DGKI: variants seen among roughly 807,000 people sequenced by gnomAD.
DGKI encodes DAG kinase iota.
Under a neutral mutation model 147.5 loss-of-function variants are expected in DGKI, and 55 were observed. The observed-to-expected ratio is 0.37, with a 90% CI of 0.30 to 0.47. The LOEUF (loss-of-function observed/expected upper bound fraction) is 0.47, where lower values mean the gene tolerates loss of function less well. Among genes scored for constraint, DGKI ranks in the 20% least tolerant of loss-of-function variants. The pLI, the probability that DGKI is intolerant of heterozygous loss-of-function variation, is 1.00. For synonymous variants in DGKI, 469 were observed against 477.1 expected (o/e 0.98, Z 0.22); for missense variants, 1,007 against 1,323.8 (o/e 0.76, Z 3.71).
intron 28 of DGKI, among the ~76,000 whole-genome samples, chr7:137,431,924 T>C (rs1433967989): frequency 2.0e-5 from 3 of 152,200 alleles, no homozygotes; most frequent in Non-Finnish European, 2.9e-5. Context: ...AATCTCATGT[T>C]GAATTGTAAT....
intron 1 of DGKI, among the ~76,000 whole-genome samples, chr7:137,805,239 T>C (rs906265177): frequency 2.0e-5 from 3 of 152,238 alleles, no homozygotes; most frequent in Non-Finnish European, 4.4e-5. Flanking sequence ...CTTCCAGCTG[T>C]GCTTGAGGGA....
intron 21 of DGKI, among the ~76,000 whole-genome samples, chr7:137,503,044 A>T (rs1816235316): frequency 6.6e-6 from 1 of 152,148 alleles, no homozygotes; most frequent in Non-Finnish European, 1.5e-5. Flanking sequence ...GAAGTCAGAC[A>T]CATTCTCGTG....
At chr7:137,403,311 A>G (rs796297317) in intron 30 of DGKI, among the ~76,000 whole-genome samples, 5 of 152,368 alleles carry the variant, frequency 3.3e-5, no homozygotes, top group African/African-American at 1.2e-4. Flanking sequence ...AAGGAAGAAG[A>G]TGCAAGCCGA....
At chr7:137,842,292 G>C (rs562571713) in intron 1 of DGKI, among the ~76,000 whole-genome samples, 10 of 152,272 alleles carry the variant, frequency 6.6e-5, no homozygotes, top group African/African-American at 2.4e-4. Flanking sequence ...TATCTTTCTT[G>C]TAATAACACA....
intron 12 of DGKI, among the ~76,000 whole-genome samples, chr7:137,597,582 A>C (rs1465186133): frequency 6.6e-6 from 1 of 152,224 alleles, no homozygotes; most frequent in East Asian, 1.9e-4. Context: ...TCTTCATTTT[A>C]AGGATTTGAC....
At chr7:137,738,282 T>C (rs544466338) in intron 1 of DGKI, among the ~76,000 whole-genome samples, 21 of 152,208 alleles carry the variant, frequency 1.4e-4, no homozygotes, top group African/African-American at 4.6e-4. Flanking sequence ...TTAGCTGCTG[T>C]GCTATACTGA....
At chr7:137,413,768 G>A (rs1014943310) in intron 28 of DGKI, among the ~76,000 whole-genome samples, 1 of 152,098 alleles carries the variant, frequency 6.6e-6, no homozygotes, top group Non-Finnish European at 1.5e-5. Context: ...GTTTTTGGTA[G>A]GATGATTACT....
At chr7:137,474,870 G>T (rs1488455191) in intron 23 of DGKI, among the ~76,000 whole-genome samples, 1 of 152,168 alleles carries the variant, frequency 6.6e-6, no homozygotes, top group East Asian at 1.9e-4. Flanking sequence ...GCTACTCGCT[G>T]TGAGAGTGTA....
At chr7:137,561,713 T>C (rs1818425248) in intron 19 of DGKI, among the ~76,000 whole-genome samples, 1 of 151,764 alleles carries the variant, frequency 6.6e-6, no homozygotes, top group Non-Finnish European at 1.5e-5. Context: ...ATTAAAATTT[T>C]GATTTTTAAA....
At chr7:137,720,357 A>T (rs1049874968) in intron 1 of DGKI, among the ~76,000 whole-genome samples, 1 of 142,676 alleles carries the variant, frequency 7.0e-6, no homozygotes, top group African/African-American at 2.6e-5. Flanking sequence ...TCCCGGGTTC[A>T]CACCATTCTC....
intron 27 of DGKI, among the ~76,000 whole-genome samples, chr7:137,449,468 A>C (rs1813864602): frequency 2.0e-5 from 3 of 152,244 alleles, no homozygotes; most frequent in African/African-American, 7.2e-5. Context: ...CTTACTGCAC[A>C]CCATGTGCAA....
chr7:137,663,344 G>A (rs1005653616), intron 3 of DGKI, among the ~76,000 whole-genome samples: 7 of 152,218 alleles, frequency 4.6e-5, no homozygotes, highest in African/African-American at 1.4e-4. Flanking sequence ...GTCACCTAGA[G>A]GAGGGCAAAA....
At chr7:137,667,045 A>G (rs1199890587) in intron 3 of DGKI, among the ~76,000 whole-genome samples, 1 of 152,134 alleles carries the variant, frequency 6.6e-6, no homozygotes, top group Non-Finnish European at 1.5e-5. Context: ...GTTTCAACTC[A>G]TCAGATGCAA....
At position 137,438,717 on chromosome 7, in the gene DGKI, T is replaced by C. The variant is rs183212167; in HGVS notation, c.2761+5360A>G. ...TTCATTAGCAGATTGGATATATAAA[T>C]TGGTATATACTCATACAATAGAGTA... On this transcript the variant is annotated intron_variant, in intron 28 of 32. Transcript: ENST00000614521. 2.4e-4 allele frequency among the ~76,000 whole-genome samples: 36 copies of C among 152,300 alleles called. No homozygotes were observed. The East Asian group carries it at 6.2e-3, about 26-fold the overall frequency.
chr7:137,543,586 A>G (rs531830261), intron 20 of DGKI, among the ~76,000 whole-genome samples: 1 of 152,190 alleles, frequency 6.6e-6, no homozygotes, highest in African/African-American at 2.4e-5. Context: ...GGAAGCAACA[A>G]TTGCTTCAAG....
chr7:137,539,700 A>G (rs1817626410), intron 20 of DGKI, among the ~76,000 whole-genome samples: 1 of 151,944 alleles, frequency 6.6e-6, no homozygotes, highest in African/African-American at 2.4e-5. Flanking sequence ...AAAAAATGGG[A>G]AAAAAAGAGC....
chr7:137,821,244 A>AT (rs1304111037), intron 1 of DGKI, among the ~76,000 whole-genome samples: 8 of 152,358 alleles, frequency 5.3e-5, no homozygotes, highest in Admixed American at 2.6e-4. Flanking sequence ...TCAAAGGGAT[A>AT]TTTTGAAAGG....
intron 1 of DGKI, among the ~76,000 whole-genome samples, chr7:137,710,892 A>C (rs1218004291): frequency 6.6e-6 from 1 of 152,200 alleles, no homozygotes; most frequent in Admixed American, 6.5e-5. Context: ...CTAATAAGAA[A>C]AAGATAAACA....
At chr7:137,454,134 C>G (rs1814088292) in intron 27 of DGKI, among the ~76,000 whole-genome samples, 1 of 152,080 alleles carries the variant, frequency 6.6e-6, no homozygotes, top group Non-Finnish European at 1.5e-5. Context: ...TATTAAGTGT[C>G]CTCACCACAA....
Sources: allele counts gnomAD v4.1 joint callset (sites outside exome capture counted in the v4.1 genomes callset), GRCh38; gene constraint gnomAD v4.1.1; transcripts MANE v1.5; gene names NCBI Gene and HGNC (gene_info 2026-07-23, HGNC 2026-07-21).